CBLC: variants seen among roughly 807,000 people sequenced by gnomAD.
CBLC encodes Cbl proto-oncogene C.
CBLC carries 46 observed loss-of-function variants against 58.6 expected under a neutral mutation model. The ratio of observed to expected loss-of-function variants is 0.79; its 90% confidence interval spans 0.62 to 1.00. The LOEUF (loss-of-function observed/expected upper bound fraction) is 1.00. CBLC is among the 50% of genes least tolerant of loss of function. The pLI is 0.00. For synonymous variants in CBLC, 271 were observed against 264.2 expected (o/e 1.03, Z -0.25); for missense variants, 655 against 625.8 (o/e 1.05, Z -0.50).
At position 44,800,435 on chromosome 19, in the gene CBLC, C is replaced by T; in HGVS notation, c.1417C>T (p.Pro473Ser). ...TGCGCTGGGACCCCAGGACCCTGCCCCGGCCTGAAGGCCAGGTGAGTCCAT... is the reference window on the plus strand; with the variant it reads ...TGCGCTGGGACCCCAGGACCCTGCCTCGGCCTGAAGGCCAGGTGAGTCCAT... ...PAALGPQDPA[P>S]A The change falls in exon 10 of 11, where the codon CCG (proline) becomes TCG (serine). Residue 473 changes from proline (P) to serine (S), a missense_variant. By Grantham distance (74) the Pro-to-Ser change is moderately conservative. Around this residue, in one of 3 missense-constraint regions of CBLC, gnomAD observed 371 missense variants for 370.8 expected, o/e 1.00. Coordinates refer to ENST00000647358, the MANE Select transcript of CBLC (RefSeq NM_012116.4). 3 of 1,612,372 alleles carry T rather than the reference C, an allele frequency of 1.9e-6. No individual in the cohort carries two copies. Among genetic ancestry groups the T allele is most frequent in the Middle Eastern group, 1.7e-4 (1 of 6,036 alleles).
intron 9 of CBLC, among the ~76,000 whole-genome samples, chr19:44,799,460 G>C (rs886166390): frequency 6.6e-6 from 1 of 152,134 alleles, no homozygotes; most frequent in Admixed American, 6.5e-5. Flanking sequence ...AGCCTCCCAA[G>C]TAGCTGGAAT....
rs975600354 is a variant in CBLC at position 44,793,978 on chromosome 19, TAAC to T, written c.1285-223_1285-221del. ...GGGTTCTAGGAGAGGAGGGGGCTGA[TAAC>T]AAGATTCTCAGGTCCTAGGGAACTG... On this transcript the variant is annotated intron_variant, in intron 8 of 10. Coordinates refer to ENST00000647358, the MANE Select transcript of CBLC (RefSeq NM_012116.4). The T allele has an allele frequency of 1.9e-5, 5 of 265,428 alleles. No individual in the cohort carries two copies. The Admixed American group carries it at 1.9e-4, about 10-fold the overall frequency. 16.4% of individuals were successfully genotyped at this position (265,428 alleles called of 1,614,324 possible). A position where few individuals can be genotyped will look rare whatever the true frequency, so the allele number is the denominator to read the frequency against.
At chr19:44,786,765 G>A (rs1056261046) in intron 5 of CBLC, among the ~76,000 whole-genome samples, 1 of 152,004 alleles carries the variant, frequency 6.6e-6, no homozygotes, top group African/African-American at 2.4e-5. Context: ...CTTTCACTTA[G>A]GAACAGGAGA....
intron 9 of CBLC, among the ~76,000 whole-genome samples, chr19:44,797,766 A>T (rs1258176961): frequency 1.3e-5 from 2 of 150,238 alleles, no homozygotes; most frequent in East Asian, 2.0e-4. Context: ...AAAAAAAAAA[A>T]TAGGGTCTCT....
Position 44,793,349 on chromosome 19 carries a change from TTCCGTCTCCCTTCC to T in CBLC, c.1138-122_1138-109del, listed in dbSNP as rs773091614. The T allele has an allele frequency of 7.7e-5, 82 of 1,071,334 alleles. 1 individual carries two copies. The highest frequency in any genetic ancestry group is 6.1e-4 in the Middle Eastern group (2 of 3,274). The allele number at this position is 1,071,334 out of a possible 1,614,324, so 66.4% of individuals were successfully genotyped here. ...TCTGCTCTCCACGACTCTTCTCTCC[TTCCGTCTCCCTTCC>T]TCTGTCTGTCTTCCCCACATCAATC... On this transcript the variant is annotated intron_variant, in intron 7 of 10. Coordinates refer to ENST00000647358, the MANE Select transcript of CBLC (RefSeq NM_012116.4).
chr19:44,794,245 G>T lies in CBLC; in HGVS notation c.1326G>T (p.Leu442=), dbSNP rs1968132215. ...SAPPLPPRPD[L]PPRKPRNAQP... ...CTCCATTGCCCCCACGGCCAGATCT[G>T]CCCCCCAGGAAGCCCAGAAATGCCC... Residue 442 remains leucine, a synonymous_variant, in exon 9 of 11, where the codon CTG becomes CTT. Transcript: ENST00000647358. 1.2e-6 allele frequency: 2 copies of T among 1,612,810 alleles called. No individual in the cohort carries two copies. Among genetic ancestry groups the T allele is most frequent in the Non-Finnish European group, 1.7e-6 (2 of 1,179,478 alleles).
chr19:44,799,200 G>A (rs1968238113), intron 9 of CBLC, among the ~76,000 whole-genome samples: 4 of 152,306 alleles, frequency 2.6e-5, no homozygotes, highest in South Asian at 4.1e-4. Context: ...GGCCTGGCGC[G>A]GTGGCTCATG....
At chr19:44,780,138 AT>A (rs766135820) in intron 1 of CBLC, among the ~76,000 whole-genome samples, 2,407 of 139,992 alleles carry the variant, frequency 0.017, 31 homozygotes, top group South Asian at 0.046. Context: ...ATTCAGCGTA[AT>A]TTTTTTTTTT....
intron 1 of CBLC, among the ~76,000 whole-genome samples, chr19:44,779,781 G>A (rs1424461437): frequency 6.6e-6 from 1 of 151,922 alleles, no homozygotes; most frequent in East Asian, 1.9e-4. Flanking sequence ...TCAAACTCCT[G>A]GCCTCATGCG....
In CBLC at chr19:44,788,798, C is replaced by T. The variant is rs117323275; in HGVS notation, c.918-1206C>T. 1.4e-3 allele frequency among the ~76,000 whole-genome samples: 212 copies of T among 152,280 alleles called. 1 individual carries two copies. Among genetic ancestry groups the T allele is most frequent in the South Asian group, 8.7e-3 (42 of 4,826 alleles). ...GATTACAGGTGTGAGCCACTGTACC[C>T]GGCCAGCACTGTCTTATTTAATCCA... On this transcript the variant is annotated intron_variant, in intron 5 of 10. Coordinates refer to ENST00000647358, the MANE Select transcript of CBLC (RefSeq NM_012116.4).
At chr19:44,796,986 A>G (rs1326933530) in intron 9 of CBLC, among the ~76,000 whole-genome samples, 4 of 152,124 alleles carry the variant, frequency 2.6e-5, no homozygotes, top group African/African-American at 4.8e-5. Flanking sequence ...GCAAATGGAA[A>G]CATTAGGAGG....
chr19:44,794,728 G>A (rs920552886), intron 9 of CBLC, among the ~76,000 whole-genome samples: 1 of 151,940 alleles, frequency 6.6e-6, no homozygotes, highest in Non-Finnish European at 1.5e-5. Flanking sequence ...CTCCCACAGT[G>A]CGGGGATTAC....
In CBLC at chr19:44,796,269, A is replaced by T. The variant is rs373309641; in HGVS notation, c.1362+1988A>T. On this transcript the variant is annotated intron_variant, in intron 9 of 10. Transcript: ENST00000647358. Reference sequence around the variant, plus strand: ...CTCTCCCCATTTTCCAGAGGAAAAAAGTTCAGAGAGGTGACAGTACCTGCC... The same window carrying T: ...CTCTCCCCATTTTCCAGAGGAAAAATGTTCAGAGAGGTGACAGTACCTGCC... Among the ~76,000 whole-genome samples, 4 of 152,166 alleles carry T rather than the reference A, an allele frequency of 2.6e-5. No individual in the cohort carries two copies. In the South Asian group the frequency reaches 8.3e-4, roughly 32 times the overall value.
intron 9 of CBLC, among the ~76,000 whole-genome samples, chr19:44,794,782 C>T (rs1381370170): frequency 6.6e-6 from 1 of 151,874 alleles, no homozygotes; most frequent in Non-Finnish European, 1.5e-5. Flanking sequence ...TTCTAGCTCT[C>T]CTTCCAGCAT....
chr19:44,778,238 C>T lies in CBLC; in HGVS notation c.307C>T (p.Arg103Ter), dbSNP rs1204290245. ...QVAALLPPRG[R>*]RSANDELFRA... ...GGCCGCGCTGCTGCCTCCCCGGGGC[C>T]GAAGGAGTGCCAACGACGAGCTCTT... Residue 103 changes from arginine (R) to a stop codon, truncating the protein, a stop_gained, in exon 1 of 11, where the codon CGA (arginine) becomes TGA (stop). Coordinates refer to ENST00000647358, the MANE Select transcript of CBLC (RefSeq NM_012116.4). LOFTEE classifies it high-confidence loss of function. 1 of 1,454,494 alleles carries T rather than the reference C, an allele frequency of 6.9e-7. No homozygotes were observed. 90.1% of individuals were successfully genotyped at this position (1,454,494 alleles called of 1,614,324 possible).
chr19:44,778,438 G>A lies in CBLC; in HGVS notation c.353+154G>A, dbSNP rs1452984404. Among the ~76,000 whole-genome samples, 430 of 56,532 alleles carry A rather than the reference G, an allele frequency of 7.6e-3. 4 individuals carry two copies. The highest frequency in any genetic ancestry group is 0.031 in the African/African-American group (155 of 4,934). 37.1% of individuals were successfully genotyped at this position (56,532 alleles called of 152,430 possible). A position where few individuals can be genotyped will look rare whatever the true frequency, so the allele number is the denominator to read the frequency against. ...CACCACCTCCTCCCTCAGACTCAGG[G>A]CTCCAGCCCCCAGCCCCTCCTCCCT... On this transcript the variant is annotated intron_variant, in intron 1 of 10. Coordinates refer to ENST00000647358, the MANE Select transcript of CBLC (RefSeq NM_012116.4).
intron 6 of CBLC, among the ~76,000 whole-genome samples, chr19:44,790,560 G>A (rs1002761539): frequency 2.0e-5 from 3 of 151,830 alleles, no homozygotes; most frequent in Non-Finnish European, 2.9e-5. Flanking sequence ...TCAGCCTCCC[G>A]AGCAGCCAGG....
rs528048306 is a variant in CBLC, at chr19:44,791,960, C to T, written c.1006-423C>T. Among the ~76,000 whole-genome samples the T allele has an allele frequency of 1.4e-3, 212 of 151,508 alleles. 1 individual carries two copies. The highest frequency in any genetic ancestry group is 4.0e-3 in the African/African-American group (164 of 41,334). ...CTGGGATTACAGGCATGAGCCACAGCGCCAAGATAGAGGAGGTGTGGGATT... is the reference window on the plus strand; with the variant it reads ...CTGGGATTACAGGCATGAGCCACAGTGCCAAGATAGAGGAGGTGTGGGATT... On this transcript the variant is annotated intron_variant, in intron 6 of 10. Transcript: ENST00000647358.
chr19:44,781,209 G>C lies in CBLC; in HGVS notation c.503G>C (p.Cys168Ser), dbSNP rs746229759. The change falls in exon 3 of 11, where the codon TGT becomes TCT. Residue 168 changes from cysteine to serine, a missense_variant and splice_region_variant. By Grantham distance (112) the Cys-to-Ser change is moderately radical. Coordinates refer to ENST00000647358, the MANE Select transcript of CBLC (RefSeq NM_012116.4). ...TFWRESCGAR[C>S]VLPWAEFESL... Reference sequence around the variant, plus strand: ...TCCCCCACCCCTCTCCCACCCAGGTGTGTGCTGCCCTGGGCTGAGTTTGAG... The same window carrying C: ...TCCCCCACCCCTCTCCCACCCAGGTCTGTGCTGCCCTGGGCTGAGTTTGAG... 27 of 1,610,514 alleles carry C rather than the reference G, an allele frequency of 1.7e-5. No homozygotes were observed. The highest frequency in any genetic ancestry group is 2.2e-5 in the Non-Finnish European group (26 of 1,178,246).
Sources: allele counts gnomAD v4.1 joint callset (sites outside exome capture counted in the v4.1 genomes callset), GRCh38; gene constraint gnomAD v4.1.1; regional missense constraint gnomAD v4.1.1; transcripts MANE v1.5; gene names NCBI Gene and HGNC (gene_info 2026-07-23, HGNC 2026-07-21).